The following NME7 variants were observed in gnomAD, a reference collection of about 807,000 sequenced individuals.
NME7 encodes the protein NME/NM23 family member 7.
A neutral mutation model predicts 49.1 loss-of-function variants in NME7; 41 were observed. The observed-to-expected ratio is 0.83, with a 90% CI of 0.65 to 1.08. The LOEUF (loss-of-function observed/expected upper bound fraction) is 1.08, where lower values mean the gene tolerates loss of function less well. Ranked by LOEUF, NME7 falls within the 50% of genes least tolerant of loss-of-function variation. The pLI is 0.00. For synonymous variants in NME7, 139 were observed against 150.6 expected (o/e 0.92, Z 0.56); for missense variants, 423 against 463.4 (o/e 0.91, Z 0.80).
chr1:169,331,177 T>C (rs1006438118), intron 1 of NME7, among the ~76,000 whole-genome samples: 1 of 152,138 alleles, frequency 6.6e-6, no homozygotes, highest in African/African-American at 2.4e-5. Flanking sequence ...AATCAATCAA[T>C]GTGATATGTG....
intron 7 of NME7, among the ~76,000 whole-genome samples, chr1:169,281,023 T>C (rs1193474625): frequency 2.0e-5 from 3 of 152,108 alleles, no homozygotes; most frequent in Non-Finnish European, 2.9e-5. Context: ...GGGGATAGCA[T>C]TGAATCTATA....
chr1:169,199,446 CTTT>C (rs142095393), intron 10 of NME7, among the ~76,000 whole-genome samples: 30,595 of 127,440 alleles, frequency 0.24, 3,415 homozygotes, highest in Non-Finnish European at 0.27. Flanking sequence ...AACCCAGGGT[CTTT>C]TTTATTATTA....
chr1:169,237,749 A>G, intron 7 of NME7, 62 bp from the exon 8 acceptor site: 1 of 1,350,856 alleles, frequency 7.4e-7, no homozygotes, highest in Non-Finnish European at 1.0e-6. Context: ...GTTTCTTAGA[A>G]ATGCAAATTT....
intron 10 of NME7, among the ~76,000 whole-genome samples, chr1:169,171,491 G>A (rs962064244): frequency 5.9e-5 from 9 of 152,182 alleles, no homozygotes; most frequent in Non-Finnish European, 1.3e-4. Context: ...GGCCTAGCGC[G>A]GTGGATCATG....
At chr1:169,253,946 G>C (rs1177743157) in intron 7 of NME7, among the ~76,000 whole-genome samples, 1 of 150,188 alleles carries the variant, frequency 6.7e-6, no homozygotes, top group African/African-American at 2.4e-5. Context: ...TTTTTGATGT[G>C]CTGCTGGATT....
intron 7 of NME7, chr1:169,285,063 G>A (rs550093724): frequency 1.3e-5 from 2 of 152,210 alleles, no homozygotes; most frequent in African/African-American, 4.8e-5. Context: ...ATATACACGG[G>A]TGTATGTATG....
At chr1:169,304,315 T>C (rs903945422) in intron 4 of NME7, among the ~76,000 whole-genome samples, 8 of 152,222 alleles carry the variant, frequency 5.3e-5, no homozygotes, top group East Asian at 1.9e-4. Context: ...GTGACAAATA[T>C]ATGTAAACAT....
intron 3 of NME7, chr1:169,322,622 A>T (rs1475507807): frequency 2.0e-5 from 3 of 151,060 alleles, no homozygotes; most frequent in Non-Finnish European, 1.5e-5. Flanking sequence ...TCCTTTTTAC[A>T]ACACTCACAT....
chr1:169,181,466 T>C (rs898525908), intron 10 of NME7, among the ~76,000 whole-genome samples: 1 of 152,052 alleles, frequency 6.6e-6, no homozygotes, highest in African/African-American at 2.4e-5. Flanking sequence ...GTGCCATTTC[T>C]TCTTCTTTTG....
chr1:169,283,942 G>A (rs747810969), intron 7 of NME7: 4 of 151,930 alleles, frequency 2.6e-5, no homozygotes, highest in Non-Finnish European at 2.9e-5. Context: ...TGCTCTTCTC[G>A]AGGAGCATCT....
chr1:169,214,929 C>G (rs1382047226), intron 10 of NME7, among the ~76,000 whole-genome samples: 3 of 152,240 alleles, frequency 2.0e-5, no homozygotes, highest in African/African-American at 7.2e-5. Context: ...GGGCCCTTTG[C>G]CTTATGTGGG....
intron 7 of NME7, among the ~76,000 whole-genome samples, chr1:169,262,861 A>T (rs1446080687): frequency 7.5e-6 from 1 of 134,076 alleles, no homozygotes; most frequent in Non-Finnish European, 1.8e-5. Flanking sequence ...GGAAGCACAC[A>T]GATAGTAGAT....
intron 7 of NME7, among the ~76,000 whole-genome samples, chr1:169,254,115 T>C (rs1010147656): frequency 7.5e-4 from 112 of 150,092 alleles, no homozygotes; most frequent in African/African-American, 2.7e-3. Context: ...TTTCTATTGA[T>C]TGGAATAGTT....
At chr1:169,169,326 G>T in intron 11 of NME7, 121 bp downstream of exon 11, 1 of 813,666 alleles carries the variant, frequency 1.2e-6, no homozygotes, top group Non-Finnish European at 2.0e-6. Context: ...TGCACTCTCT[G>T]CACATGTAAC....
At chr1:169,173,617 G>GT (rs1659666239) in intron 10 of NME7, among the ~76,000 whole-genome samples, 1 of 151,862 alleles carries the variant, frequency 6.6e-6, no homozygotes, top group African/African-American at 2.4e-5. Flanking sequence ...TGCTTATAAA[G>GT]TAAAAAATAT....
At position 169,234,775 on chromosome 1, in the gene NME7, T is replaced by G. The variant is rs1433782271; in HGVS notation, c.888+356A>C. Among the ~76,000 whole-genome samples the G allele has an allele frequency of 2.6e-5, 4 of 152,196 alleles. No individual in the cohort carries two copies. In the East Asian group the frequency reaches 7.7e-4, roughly 29 times the overall value. ...TTAGGAAGCTGCAGGCTGGTTGCAA[T>G]GAATTTTGGGAGATATGAAAGGTAT... On this transcript the variant is annotated intron_variant, in intron 9 of 11. Transcript: ENST00000367811.
chr1:169,275,473 C>T (rs71523138), intron 7 of NME7, among the ~76,000 whole-genome samples: 9,283 of 80,694 alleles, frequency 0.12, 2,277 homozygotes, highest in East Asian at 0.78. Context: ...AGCGAAACTC[C>T]GTCTCAAAAA....
chr1:169,250,219 G>C (rs1194022876), intron 7 of NME7, among the ~76,000 whole-genome samples: 1 of 151,868 alleles, frequency 6.6e-6, no homozygotes, highest in African/African-American at 2.4e-5. Context: ...TATGTTTCCT[G>C]GAATTTATCC....
At chr1:169,363,132 G>A (rs560494171) in intron 1 of NME7, among the ~76,000 whole-genome samples, 33 of 151,966 alleles carry the variant, frequency 2.2e-4, no homozygotes, top group Non-Finnish European at 4.3e-4. Flanking sequence ...CTAGCTGCTC[G>A]GAAGGCTGAG....
Sources: gnomAD v4.1 joint callset for allele counts (sites outside exome capture counted in the v4.1 genomes callset) on GRCh38, gnomAD v4.1.1 for gene constraint, MANE v1.5 for transcripts, NCBI Gene and HGNC (gene_info 2026-07-23, HGNC 2026-07-21) for gene names.